Variants in AGBL4 observed in about 807,000 individuals in gnomAD.
The protein encoded by AGBL4 is cytosolic carboxypeptidase 6.
In AGBL4, 58 loss-of-function variants were observed where a neutral mutation model predicts 66.4. The ratio of observed to expected loss-of-function variants is 0.87; its 90% CI spans 0.71 to 1.09. The LOEUF (loss-of-function observed/expected upper bound fraction) is 1.09, where lower values mean the gene tolerates loss of function less well. Ranked by LOEUF, AGBL4 falls within the 50% of genes least tolerant of loss-of-function variation. The probability of loss-of-function intolerance (pLI) is 0.00; values close to 1 mark genes in which losing one functional copy is unlikely to be tolerated. For missense variants in AGBL4, 579 were observed against 631.0 expected (o/e 0.92, Z 0.88); for synonymous variants, 234 against 222.9 (o/e 1.05, Z -0.44).
chr1:49,193,113 T>C (rs1407368787), intron 4 of AGBL4, among the ~76,000 whole-genome samples: 6 of 152,194 alleles, frequency 3.9e-5, no homozygotes, highest in African/African-American at 7.2e-5. Flanking sequence ...TTTTCTTGGT[T>C]AGTGTAGCTA....
chr1:48,635,236 T>A (rs1016510081), intron 8 of AGBL4, among the ~76,000 whole-genome samples: 2 of 152,320 alleles, frequency 1.3e-5, no homozygotes, highest in East Asian at 3.9e-4. Context: ...TACATAGGTT[T>A]ATGTTCTTTC....
At chr1:48,803,673 A>G (rs1463663617) in intron 6 of AGBL4, among the ~76,000 whole-genome samples, 2 of 152,222 alleles carry the variant, frequency 1.3e-5, no homozygotes, top group Non-Finnish European at 2.9e-5. Flanking sequence ...GAAAAGAGGA[A>G]GTGCTTTGTC....
rs2148925932 is a variant in AGBL4, at chr1:48,949,687, CT to C, written c.595-82458del. On this transcript the variant is annotated intron_variant, in intron 5 of 13. Coordinates refer to ENST00000371839, the MANE Select transcript of AGBL4 (RefSeq NM_032785.4). Reference sequence around the variant, plus strand: ...ACTCCTTCCCTCTTCCCACTTCAACCTTGGTGAGCTAATGGAAAGACATGAG... The same window carrying C: ...ACTCCTTCCCTCTTCCCACTTCAACCTGGTGAGCTAATGGAAAGACATGAG... Among the ~76,000 whole-genome samples, 3 of 152,296 alleles carry C rather than the reference CT, an allele frequency of 2.0e-5. No individual in the cohort carries two copies. In the South Asian group the frequency reaches 6.2e-4, roughly 32 times the overall value.
chr1:49,207,604 T>TTCTTTCTC (rs1648334994), intron 4 of AGBL4, among the ~76,000 whole-genome samples: 1 of 148,846 alleles, frequency 6.7e-6, no homozygotes, highest in African/African-American at 2.5e-5. Flanking sequence ...CTTTCTTTCT[T>TTCTTTCTC]CTTTTTATTT....
intron 5 of AGBL4, among the ~76,000 whole-genome samples, chr1:48,925,545 G>A (rs1370710542): frequency 1.3e-5 from 2 of 151,916 alleles, no homozygotes; most frequent in African/African-American, 2.4e-5. Flanking sequence ...ATCAGCTATC[G>A]TTAGTGTTAG....
intron 3 of AGBL4, among the ~76,000 whole-genome samples, chr1:49,308,184 C>T (rs1278814503): frequency 2.0e-5 from 3 of 152,196 alleles, no homozygotes; most frequent in Admixed American, 6.6e-5. Context: ...AATTGTGAAC[C>T]AATTAAATCT....
chr1:49,154,258 C>T (rs1259505287), intron 4 of AGBL4, among the ~76,000 whole-genome samples: 1 of 152,006 alleles, frequency 6.6e-6, no homozygotes, highest in African/African-American at 2.4e-5. Flanking sequence ...TTCTTGGTCT[C>T]AGTGTCTTCT....
chr1:48,782,820 G>A (rs955792063), intron 6 of AGBL4, among the ~76,000 whole-genome samples: 3 of 152,138 alleles, frequency 2.0e-5, no homozygotes, highest in Non-Finnish European at 2.9e-5. Context: ...CTTGGTGTAC[G>A]TTCTATGACT....
At chr1:49,655,948 A>G (rs2124468375) in intron 3 of AGBL4, among the ~76,000 whole-genome samples, 1 of 152,328 alleles carries the variant, frequency 6.6e-6, no homozygotes, top group South Asian at 2.1e-4. Flanking sequence ...GCAGTTCAAG[A>G]CCAGCCTGAC....
At chr1:48,608,961 C>G (rs573188435) in intron 9 of AGBL4, among the ~76,000 whole-genome samples, 7 of 152,248 alleles carry the variant, frequency 4.6e-5, no homozygotes, top group South Asian at 4.1e-4. Context: ...TTGAGGTTGG[C>G]GTTATGATCC....
chr1:49,551,533 G>T (rs1210898574), intron 3 of AGBL4, among the ~76,000 whole-genome samples: 4 of 152,120 alleles, frequency 2.6e-5, no homozygotes, highest in Non-Finnish European at 5.9e-5. Context: ...GATGTTGTTT[G>T]CTGTTAGCTG....
chr1:49,111,113 A>ATT (rs5774039), intron 4 of AGBL4, among the ~76,000 whole-genome samples: 1 of 109,772 alleles, frequency 9.1e-6, no homozygotes. Context: ...AATTCGTTGA[A>ATT]TTTTTTTTTT....
intron 4 of AGBL4, among the ~76,000 whole-genome samples, chr1:49,153,736 T>C (rs1401813757): frequency 1.3e-5 from 2 of 151,934 alleles, no homozygotes; most frequent in Non-Finnish European, 2.9e-5. Context: ...TGTTTTCCCA[T>C]CTGCAAAATG....
rs113661742 is a variant in AGBL4 at position 49,797,763 on chromosome 1, C to CT, written c.157+53632dup. 2.1e-4 allele frequency among the ~76,000 whole-genome samples: 32 copies of CT among 149,366 alleles called. 1 individual carries two copies. Among genetic ancestry groups the CT allele is most frequent in the African/African-American group, 5.2e-4 (21 of 40,744 alleles). ...CAGCACAGCCTTAATTATCATTTTT[C>CT]TTTTTTTTTTCTTTTCTTTTTTTTT... On this transcript the variant is annotated intron_variant, in intron 2 of 13. Transcript: ENST00000371839.
At chr1:49,471,142 C>T (rs750804574) in intron 3 of AGBL4, among the ~76,000 whole-genome samples, 1 of 152,020 alleles carries the variant, frequency 6.6e-6, no homozygotes, top group Non-Finnish European at 1.5e-5. Flanking sequence ...ATAACAATCT[C>T]TCCTAAAATG....
intron 5 of AGBL4, among the ~76,000 whole-genome samples, chr1:48,893,521 A>G (rs1651181783): frequency 6.6e-6 from 1 of 151,714 alleles, no homozygotes; most frequent in African/African-American, 2.4e-5. Context: ...CTCTACTAAA[A>G]ATACAAAAAA....
At chr1:49,947,544 G>A (rs989322035) in intron 1 of AGBL4, among the ~76,000 whole-genome samples, 8 of 151,334 alleles carry the variant, frequency 5.3e-5, no homozygotes, top group Middle Eastern at 3.4e-3. Flanking sequence ...GACATATCTC[G>A]TTGTAAAAAA....
At chr1:49,243,763 T>C (rs2148325053) in intron 4 of AGBL4, among the ~76,000 whole-genome samples, 1 of 151,896 alleles carries the variant, frequency 6.6e-6, no homozygotes, top group South Asian at 2.1e-4. Flanking sequence ...GTAAGTAGCT[T>C]TGTATCCAAG....
At chr1:49,069,953 T>C (rs952488183) in intron 4 of AGBL4, among the ~76,000 whole-genome samples, 1 of 152,004 alleles carries the variant, frequency 6.6e-6, no homozygotes, top group African/African-American at 2.4e-5. Context: ...TTCACATCCC[T>C]TGTAAGTTGG....
Sources: allele counts gnomAD v4.1 joint callset (sites outside exome capture counted in the v4.1 genomes callset), GRCh38; gene constraint gnomAD v4.1.1; transcripts MANE v1.5; gene names NCBI Gene and HGNC (gene_info 2026-07-23, HGNC 2026-07-21).